The following ERBB4 variants were observed in gnomAD, a reference collection of about 807,000 sequenced individuals.
ERBB4 encodes erb-b2 receptor tyrosine kinase 4, also known as receptor tyrosine-protein kinase erbB-4.
ERBB4 carries 42 observed loss-of-function variants against 158.0 expected under a neutral mutation model. That is an observed-to-expected ratio of 0.27 (90% CI 0.21 to 0.34). The LOEUF is 0.34. ERBB4 is among the 10% of genes least tolerant of loss of function. The pLI is 1.00. For synonymous variants in ERBB4, 583 were observed against 558.7 expected, an observed-to-expected ratio of 1.04 and a Z score of -0.61; for missense variants, 1,333 against 1,624.1, an observed-to-expected ratio of 0.82 and a Z score of 3.08.
At chr2:211,834,371 T>C (rs1482005455) in intron 3 of ERBB4, among the ~76,000 whole-genome samples, 1 of 151,870 alleles carries the variant, frequency 6.6e-6, no homozygotes, top group Non-Finnish European at 1.5e-5. Flanking sequence ...AAAGGAGTGA[T>C]GATGAAAACA....
At chr2:211,627,378 A>G (rs2125865626) in intron 17 of ERBB4, among the ~76,000 whole-genome samples, 1 of 152,342 alleles carries the variant, frequency 6.6e-6, no homozygotes, top group East Asian at 1.9e-4. Context: ...AGGAATCACT[A>G]TTAGGTTTTC....
chr2:211,701,882 G>T, intron 12 of ERBB4, 85 bp downstream of exon 12: 4 of 1,003,412 alleles, frequency 4.0e-6, no homozygotes, highest in Non-Finnish European at 1.6e-6. Context: ...ATTCTGACCG[G>T]ATGTTATTTT....
chr2:211,766,547 G>T (rs1248585881), intron 4 of ERBB4, among the ~76,000 whole-genome samples: 1 of 152,206 alleles, frequency 6.6e-6, no homozygotes, highest in Non-Finnish European at 1.5e-5. Context: ...GTTTTCAAGT[G>T]ATGAGAAATT....
chr2:212,261,115 C>G (rs536921079), intron 1 of ERBB4, among the ~76,000 whole-genome samples: 1 of 152,138 alleles, frequency 6.6e-6, no homozygotes, highest in African/African-American at 2.4e-5. Flanking sequence ...TGAGAAGTCC[C>G]ACCTGAATGT....
intron 1 of ERBB4, among the ~76,000 whole-genome samples, chr2:212,455,455 T>C (rs1212225725): frequency 6.6e-6 from 1 of 152,040 alleles, no homozygotes; most frequent in African/African-American, 2.4e-5. Context: ...CATTGTCCAA[T>C]ATGGTAGCCA....
chr2:212,191,980 A>G (rs1180261094), intron 1 of ERBB4, among the ~76,000 whole-genome samples: 1 of 98,042 alleles, frequency 1.0e-5, no homozygotes, highest in Admixed American at 1.4e-4. Context: ...TATGTTATAT[A>G]TGTTATATGT....
At chr2:212,223,427 A>ATT (rs61444594) in intron 1 of ERBB4, among the ~76,000 whole-genome samples, 3 of 130,930 alleles carry the variant, frequency 2.3e-5, no homozygotes, top group Non-Finnish European at 3.4e-5. Flanking sequence ...ATATATATAT[A>ATT]TTTTTTTTAT....
chr2:212,189,252 C>T (rs1379295095), intron 1 of ERBB4, among the ~76,000 whole-genome samples: 1 of 152,098 alleles, frequency 6.6e-6, no homozygotes, highest in Non-Finnish European at 1.5e-5. Flanking sequence ...ATTGGGGATA[C>T]TCAAACTTTA....
intron 3 of ERBB4, among the ~76,000 whole-genome samples, chr2:211,930,875 C>A (rs2125098586): frequency 6.6e-6 from 1 of 152,198 alleles, no homozygotes; most frequent in Non-Finnish European, 1.5e-5. Flanking sequence ...ATTCAAATCC[C>A]ATTTTATTGT....
intron 4 of ERBB4, chr2:211,779,170 T>G (rs1207188716): frequency 2.6e-5 from 4 of 152,194 alleles, no homozygotes; most frequent in African/African-American, 4.8e-5. Context: ...ATTATTGCTA[T>G]CCCTACTGGC....
At chr2:212,062,166 A>G (rs2077792794) in intron 2 of ERBB4, among the ~76,000 whole-genome samples, 1 of 152,172 alleles carries the variant, frequency 6.6e-6, no homozygotes, top group Non-Finnish European at 1.5e-5. Context: ...ACAAATTTTC[A>G]TCTTTTCTTT....
chr2:212,014,315 A>G (rs1435945883), intron 2 of ERBB4, among the ~76,000 whole-genome samples: 3 of 152,136 alleles, frequency 2.0e-5, no homozygotes, highest in Non-Finnish European at 4.4e-5. Flanking sequence ...TTTAAGGACA[A>G]CTCCATTGCA....
At chr2:211,660,999 T>C (rs1372826530) in intron 15 of ERBB4, among the ~76,000 whole-genome samples, 1 of 152,088 alleles carries the variant, frequency 6.6e-6, no homozygotes, top group African/African-American at 2.4e-5. Context: ...ATTTAGGTTT[T>C]TGTGAGTTGA....
chr2:211,429,157 T>TAATA (rs975174941), intron 21 of ERBB4, among the ~76,000 whole-genome samples: 2 of 152,164 alleles, frequency 1.3e-5, no homozygotes, highest in Admixed American at 1.3e-4. Context: ...TCTAAACATC[T>TAATA]AATACACATG....
intron 3 of ERBB4, among the ~76,000 whole-genome samples, chr2:211,911,536 G>T (rs1212595587): frequency 6.6e-6 from 1 of 152,150 alleles, no homozygotes; most frequent in Non-Finnish European, 1.5e-5. Flanking sequence ...AAAATATTAG[G>T]ATTACAGGAG....
intron 9 of ERBB4, among the ~76,000 whole-genome samples, chr2:211,705,954 A>C (rs1159759140): frequency 6.6e-6 from 1 of 152,194 alleles, no homozygotes; most frequent in Non-Finnish European, 1.5e-5. Context: ...CAGATTACTT[A>C]GAACCATCTT....
At chr2:212,519,544 C>T (rs765692170) in intron 1 of ERBB4, among the ~76,000 whole-genome samples, 5 of 150,218 alleles carry the variant, frequency 3.3e-5, no homozygotes, top group African/African-American at 4.9e-5. Context: ...TATCAGGGGG[C>T]GGGGGGCTAG....
intron 2 of ERBB4, among the ~76,000 whole-genome samples, chr2:212,020,838 A>G (rs1226143205): frequency 6.6e-6 from 1 of 152,108 alleles, no homozygotes; most frequent in Non-Finnish European, 1.5e-5. Context: ...TTTTGGTGCC[A>G]TTAGGTAATT....
chr2:211,649,216 A>AT (rs775155755), intron 16 of ERBB4, among the ~76,000 whole-genome samples: 4 of 151,808 alleles, frequency 2.6e-5, no homozygotes, highest in Non-Finnish European at 4.4e-5. Context: ...ACATTGAGCG[A>AT]TTTTTTTGTA....
Sources: gnomAD v4.1 joint callset for allele counts (sites outside exome capture counted in the v4.1 genomes callset) on GRCh38, gnomAD v4.1.1 for gene constraint, MANE v1.5 for transcripts, NCBI Gene and HGNC (gene_info 2026-07-23, HGNC 2026-07-21) for gene names.